The following PPM1H variants were observed in gnomAD, a reference collection of about 807,000 sequenced individuals.
The protein encoded by PPM1H is protein phosphatase, Mg2+/Mn2+ dependent 1H, also known as protein phosphatase 1H.
In PPM1H, 27 loss-of-function variants were observed where a neutral mutation model predicts 54.9. The observed-to-expected ratio is 0.49, with a 90% CI of 0.36 to 0.68. The LOEUF is 0.68. Ranked by LOEUF, PPM1H falls within the 30% of genes least tolerant of loss-of-function variation. PPM1H has a pLI of 0.00. For missense variants in PPM1H, 596 were observed against 667.8 expected (o/e 0.89, Z 1.19); for synonymous variants, 305 against 270.8 (o/e 1.13, Z -1.24).
intron 9 of PPM1H, among the ~76,000 whole-genome samples, chr12:62,660,363 A>G (rs1006267868): frequency 6.6e-6 from 1 of 152,234 alleles, no homozygotes; most frequent in Non-Finnish European, 1.5e-5. Flanking sequence ...TGAAACTACA[A>G]AAGACCCAGA....
At chr12:62,787,180 T>C (rs2076677193) in intron 4 of PPM1H, among the ~76,000 whole-genome samples, 3 of 152,004 alleles carry the variant, frequency 2.0e-5, no homozygotes, top group Admixed American at 2.0e-4. Flanking sequence ...TGGTCTGGGC[T>C]GCAGAGGCAA....
chr12:62,854,476 G>A (rs1009970522), intron 1 of PPM1H, among the ~76,000 whole-genome samples: 3 of 152,238 alleles, frequency 2.0e-5, no homozygotes, highest in South Asian at 4.2e-4. Flanking sequence ...TCACAGGGGT[G>A]GGGGTGGGCA....
intron 1 of PPM1H, among the ~76,000 whole-genome samples, chr12:62,847,753 CA>C (rs1005840582): frequency 2.0e-5 from 3 of 147,698 alleles, no homozygotes; most frequent in South Asian, 4.3e-4. Flanking sequence ...TTTAAGGATT[CA>C]AAAAAAAAGC....
At chr12:62,797,591 C>A (rs2663952) in intron 3 of PPM1H, among the ~76,000 whole-genome samples, 3 of 151,818 alleles carry the variant, frequency 2.0e-5, no homozygotes, top group Non-Finnish European at 4.4e-5. Context: ...CACACCGTGG[C>A]GCTTGTGGGC....
chr12:62,814,719 T>G (rs767401783), intron 2 of PPM1H, among the ~76,000 whole-genome samples: 2 of 152,186 alleles, frequency 1.3e-5, no homozygotes, highest in Non-Finnish European at 2.9e-5. Flanking sequence ...CTATCACAAA[T>G]GTAGAAATCC....
chr12:62,880,474 C>G (rs188463057), intron 1 of PPM1H, among the ~76,000 whole-genome samples: 3 of 152,150 alleles, frequency 2.0e-5, no homozygotes, highest in Non-Finnish European at 2.9e-5. Flanking sequence ...AGTTTGCAAC[C>G]CCCAGCCTGG....
intron 4 of PPM1H, among the ~76,000 whole-genome samples, chr12:62,771,875 T>C (rs2120650956): frequency 6.6e-6 from 1 of 152,322 alleles, no homozygotes; most frequent in Non-Finnish European, 1.5e-5. Flanking sequence ...TTTGTCTTCA[T>C]TATTAACTAA....
At chr12:62,728,091 G>C (rs1440213347) in intron 5 of PPM1H, among the ~76,000 whole-genome samples, 2 of 152,190 alleles carry the variant, frequency 1.3e-5, no homozygotes, top group Admixed American at 6.5e-5. Context: ...TACTAAATGA[G>C]GGGAGAGGGC....
chr12:62,934,276 T>C lies in PPM1H; in HGVS notation c.245+216A>G, dbSNP rs952003718. ...CTGCCACCCACCCCTCCACCACCCA[T>C]ACCGGGGCTGGAGACGCCGCGTCCT... On this transcript the variant is annotated intron_variant, in intron 1 of 9. Coordinates refer to ENST00000228705, the MANE Select transcript of PPM1H (RefSeq NM_020700.2). This position sits in a 1 kb window ranked among gnomAD's most constrained non-coding sequence, Gnocchi z 4.2. Among the ~76,000 whole-genome samples, 2 of 152,022 alleles carry C rather than the reference T, an allele frequency of 1.3e-5. No homozygotes were observed. Among genetic ancestry groups the C allele is most frequent in the South Asian group, 4.1e-4 (2 of 4,820 alleles).
chr12:62,904,888 C>T (rs772770252), intron 1 of PPM1H, among the ~76,000 whole-genome samples: 16 of 152,044 alleles, frequency 1.1e-4, no homozygotes, highest in East Asian at 1.9e-4. Flanking sequence ...GCTTTAAAGG[C>T]CATTTTTTTT....
chr12:62,667,189 A>T lies in PPM1H; in HGVS notation c.1386T>A (p.Asp462Glu). 6.3e-7 allele frequency: 1 copy of T among 1,596,402 alleles called. No homozygotes were observed. Among genetic ancestry groups the T allele is most frequent in the South Asian group, 1.1e-5 (1 of 90,250 alleles). Residue 462 changes from aspartate to glutamate, a missense_variant, in exon 9 of 10, where the codon GAT becomes GAA. Asp to Glu is a conservative substitution (Grantham distance 45, BLOSUM62 2). Around this residue, in one of 3 missense-constraint regions of PPM1H, gnomAD observed 208 missense variants for 259.5 expected, o/e 0.80. Coordinates refer to ENST00000228705, the MANE Select transcript of PPM1H (RefSeq NM_020700.2). ...AGAAATGCACAAACCTGTGAGGATC[A>T]TCTGGATCACAGTTAGGAAGAAACT... ...ITQFLPNCDP[D>E]DPHRYTLAAQ...
chr12:62,714,038 C>T (rs1274368262), intron 6 of PPM1H, among the ~76,000 whole-genome samples: 1 of 151,910 alleles, frequency 6.6e-6, no homozygotes, highest in Non-Finnish European at 1.5e-5. Context: ...ACAGAGAGCT[C>T]CTTGCACCAC....
At chr12:62,799,727 AT>A (rs1307736041) in intron 3 of PPM1H, among the ~76,000 whole-genome samples, 1 of 152,156 alleles carries the variant, frequency 6.6e-6, no homozygotes, top group African/African-American at 2.4e-5. Context: ...ATAGAAGTGC[AT>A]TTTATTTTTA....
At chr12:62,932,465 A>G (rs961973744) in intron 1 of PPM1H, among the ~76,000 whole-genome samples, 1 of 151,686 alleles carries the variant, frequency 6.6e-6, no homozygotes, top group Non-Finnish European at 1.5e-5. Flanking sequence ...CTTTCTCACC[A>G]TTGCCTGCTT....
intron 4 of PPM1H, among the ~76,000 whole-genome samples, chr12:62,762,314 C>T (rs2076514231): frequency 6.6e-6 from 1 of 152,174 alleles, no homozygotes; most frequent in Admixed American, 6.5e-5. Context: ...CGTCAGAGGC[C>T]TCAGCAAAGG....
intron 6 of PPM1H, among the ~76,000 whole-genome samples, chr12:62,711,695 G>A (rs1253165890): frequency 2.6e-5 from 4 of 152,282 alleles, no homozygotes; most frequent in Middle Eastern, 3.4e-3. Flanking sequence ...TCTGAGGGGG[G>A]AAGAAAGGCT....
intron 4 of PPM1H, among the ~76,000 whole-genome samples, chr12:62,775,051 C>A (rs1473635836): frequency 6.6e-6 from 1 of 152,156 alleles, no homozygotes; most frequent in Non-Finnish European, 1.5e-5. Context: ...AGAATAGGGG[C>A]CCTGCAACTT....
intron 6 of PPM1H, among the ~76,000 whole-genome samples, chr12:62,700,764 C>T (rs377289198): frequency 1.3e-5 from 2 of 152,134 alleles, no homozygotes; most frequent in South Asian, 2.1e-4. Context: ...GTTCTCAGAG[C>T]AACTGGAGTA....
chr12:62,651,632 C>T (rs2075817011), intron 9 of PPM1H, among the ~76,000 whole-genome samples: 1 of 152,160 alleles, frequency 6.6e-6, no homozygotes, highest in African/African-American at 2.4e-5. Flanking sequence ...AAGATAACTT[C>T]CTTTGAGATT....
Sources: gnomAD v4.1 joint callset for allele counts (sites outside exome capture counted in the v4.1 genomes callset) on GRCh38, gnomAD v4.1.1 for gene constraint, gnomAD v4.1.1 regional missense constraint, Gnocchi (gnomAD v3.1) non-coding constraint, MANE v1.5 for transcripts, NCBI Gene and HGNC (gene_info 2026-07-23, HGNC 2026-07-21) for gene names.